CA10: variants seen among roughly 807,000 people sequenced by gnomAD.
CA10 encodes the protein carbonic anhydrase 10 (inactive).
CA10 carries 14 observed loss-of-function variants against 44.2 expected under a neutral mutation model. The ratio of observed to expected loss-of-function variants is 0.32; its 90% CI spans 0.21 to 0.50. The LOEUF (loss-of-function observed/expected upper bound fraction) is 0.50. Among genes scored for constraint, CA10 ranks in the 20% least tolerant of loss-of-function variants. The pLI is 0.99. For missense variants in CA10, 350 were observed against 409.7 expected, an observed-to-expected ratio of 0.85 and a Z score of 1.26; for synonymous variants, 159 against 141.6, an observed-to-expected ratio of 1.12 and a Z score of -0.87.
At chr17:51,860,788 T>C (rs1263847732) in intron 3 of CA10, among the ~76,000 whole-genome samples, 1 of 152,166 alleles carries the variant, frequency 6.6e-6, no homozygotes, top group African/African-American at 2.4e-5. Context: ...CCCACTAAAA[T>C]ACCTTTAGGG....
At chr17:51,864,124 C>T (rs563176343) in intron 3 of CA10, among the ~76,000 whole-genome samples, 26 of 152,266 alleles carry the variant, frequency 1.7e-4, no homozygotes, top group Non-Finnish European at 2.8e-4. Flanking sequence ...CATGAGTCAC[C>T]TCATTAGCAA....
intron 2 of CA10, among the ~76,000 whole-genome samples, chr17:51,972,009 C>G (rs940989704): frequency 2.6e-5 from 4 of 151,904 alleles, no homozygotes; most frequent in Non-Finnish European, 1.5e-5. Flanking sequence ...AAAAAATAAG[C>G]ACAATTTTTT....
chr17:51,929,939 T>C (rs1205700238), intron 3 of CA10, among the ~76,000 whole-genome samples: 2 of 152,202 alleles, frequency 1.3e-5, no homozygotes, highest in Non-Finnish European at 2.9e-5. Flanking sequence ...CAATGTCTTT[T>C]AAAACCTGCT....
At chr17:51,700,130 C>A (rs879101043) in intron 4 of CA10, among the ~76,000 whole-genome samples, 2 of 152,152 alleles carry the variant, frequency 1.3e-5, no homozygotes, top group Non-Finnish European at 2.9e-5. Flanking sequence ...GGAATCCCAG[C>A]TCTGCCTTTG....
At chr17:51,997,192 C>T (rs1262205170) in intron 2 of CA10, among the ~76,000 whole-genome samples, 1 of 151,982 alleles carries the variant, frequency 6.6e-6, no homozygotes, top group Non-Finnish European at 1.5e-5. Context: ...GGTTCTTTTC[C>T]TTCATAGTAC....
intron 1 of CA10, among the ~76,000 whole-genome samples, chr17:52,108,699 CAAAAAA>C (rs759411898): frequency 5.4e-5 from 5 of 91,840 alleles, no homozygotes; most frequent in African/African-American, 7.5e-5. Context: ...GACTCCGTCT[CAAAAAA>C]AAAAAAAAAA....
chr17:51,868,461 C>T (rs1979649261), intron 3 of CA10, among the ~76,000 whole-genome samples: 2 of 152,158 alleles, frequency 1.3e-5, no homozygotes. Flanking sequence ...CAGTAAAAGG[C>T]ACTCAGTGGT....
intron 3 of CA10, among the ~76,000 whole-genome samples, chr17:51,827,352 A>AC (rs1337404313): frequency 6.6e-6 from 1 of 151,490 alleles, no homozygotes; most frequent in East Asian, 1.9e-4. Context: ...ACACACACAC[A>AC]CATACACACA....
chr17:52,050,132 T>C (rs1401104680), intron 2 of CA10, among the ~76,000 whole-genome samples: 1 of 152,046 alleles, frequency 6.6e-6, no homozygotes, highest in Non-Finnish European at 1.5e-5. Flanking sequence ...AAGTGACACA[T>C]GACTATTTGA....
At chr17:51,826,546 T>C (rs906065382) in intron 3 of CA10, among the ~76,000 whole-genome samples, 3 of 152,164 alleles carry the variant, frequency 2.0e-5, no homozygotes, top group African/African-American at 7.2e-5. Flanking sequence ...TTAATCATGC[T>C]TAATTCATTT....
intron 5 of CA10, among the ~76,000 whole-genome samples, chr17:51,652,477 C>G (rs1913610507): frequency 6.6e-6 from 1 of 152,340 alleles, no homozygotes; most frequent in African/African-American, 2.4e-5. Flanking sequence ...CCCTTCCTCT[C>G]TTTGTTAATG....
rs578230298 is a variant in CA10 at position 51,893,526 on chromosome 17, T to A, written c.279+37464A>T. Among the ~76,000 whole-genome samples, 8 of 152,222 alleles carry A rather than the reference T, an allele frequency of 5.3e-5. No individual in the cohort carries two copies. The South Asian group carries it at 1.2e-3, about 24-fold the overall frequency. On this transcript the variant is annotated intron_variant, in intron 3 of 8. Transcript: ENST00000451037. ...GAGAGTCTGGTTTCTGGTAAAGAAT[T>A]TAGAAATAGGAAAAGCTAAGGTCCA...
chr17:51,679,468 A>G (rs562340286), intron 4 of CA10, among the ~76,000 whole-genome samples: 27 of 151,716 alleles, frequency 1.8e-4, no homozygotes, highest in South Asian at 4.2e-4. Flanking sequence ...TCACCGTGTT[A>G]GCCAGGATGG....
At chr17:51,884,227 G>A (rs954377753) in intron 3 of CA10, among the ~76,000 whole-genome samples, 10 of 152,108 alleles carry the variant, frequency 6.6e-5, no homozygotes, top group African/African-American at 2.4e-4. Flanking sequence ...CTCAGTCTTT[G>A]AGAACCTTCA....
intron 2 of CA10, among the ~76,000 whole-genome samples, chr17:51,953,145 G>A (rs746683920): frequency 7.2e-5 from 11 of 152,132 alleles, no homozygotes; most frequent in African/African-American, 2.7e-4. Flanking sequence ...GATGCAGTCT[G>A]TTCTAGTACC....
chr17:51,638,283 G>A (rs1202527354), intron 6 of CA10, among the ~76,000 whole-genome samples: 3 of 152,212 alleles, frequency 2.0e-5, no homozygotes, highest in Non-Finnish European at 4.4e-5. Flanking sequence ...ATGGGGTAAG[G>A]GAACCCCTCC....
chr17:51,926,562 TA>T (rs1257910592), intron 3 of CA10, among the ~76,000 whole-genome samples: 7 of 152,176 alleles, frequency 4.6e-5, no homozygotes. Flanking sequence ...AAAGTGTCAG[TA>T]GGGCTGTATT....
At chr17:52,104,435 C>A (rs992409004) in intron 1 of CA10, among the ~76,000 whole-genome samples, 3 of 152,062 alleles carry the variant, frequency 2.0e-5, no homozygotes, top group African/African-American at 7.2e-5. Flanking sequence ...AATTCCTGAG[C>A]TCAAGCAACC....
chr17:51,900,477 A>G (rs1315894885), intron 3 of CA10, among the ~76,000 whole-genome samples: 1 of 152,012 alleles, frequency 6.6e-6, no homozygotes, highest in East Asian at 1.9e-4. Flanking sequence ...TTTCATTTCA[A>G]CCTTGGAGAA....
Sources: gnomAD v4.1 joint callset for allele counts (sites outside exome capture counted in the v4.1 genomes callset) on GRCh38, gnomAD v4.1.1 for gene constraint, MANE v1.5 for transcripts, NCBI Gene and HGNC (gene_info 2026-07-23, HGNC 2026-07-21) for gene names.